GNAO1: variants seen among roughly 807,000 people sequenced by gnomAD.
The protein encoded by GNAO1 is G protein subunit alpha o1.
For missense variants in GNAO1, 166 were observed against 478.7 expected, an observed-to-expected ratio of 0.35 and a Z score of 6.10; for synonymous variants, 164 against 180.7, an observed-to-expected ratio of 0.91 and a Z score of 0.74.
At chr16:56,248,071 T>C (rs2036765999) in intron 2 of GNAO1, among the ~76,000 whole-genome samples, 1 of 152,216 alleles carries the variant, frequency 6.6e-6, no homozygotes, top group Non-Finnish European at 1.5e-5. Flanking sequence ...CAACTGTTAG[T>C]GCCTTTAAGA....
At chr16:56,300,030 T>C (rs911690456) in intron 3 of GNAO1, among the ~76,000 whole-genome samples, 9 of 132,902 alleles carry the variant, frequency 6.8e-5, no homozygotes, top group African/African-American at 2.8e-4. Context: ...TGTGTGTGTG[T>C]GTGTGTGCGC....
At chr16:56,344,997 G>A (rs1445576549) in intron 6 of GNAO1, 4 of 985,470 alleles carry the variant, frequency 4.1e-6, no homozygotes, top group African/African-American at 1.7e-5. Context: ...ACAGAGGACA[G>A]CAGGGGGATG....
chr16:56,227,687 CAA>C (rs386384777), intron 2 of GNAO1, among the ~76,000 whole-genome samples: 2,577 of 61,792 alleles, frequency 0.042, 36 homozygotes, highest in African/African-American at 0.11. Context: ...GACCCTGTCT[CAA>C]AAAAAAAAAA....
intron 2 of GNAO1, among the ~76,000 whole-genome samples, chr16:56,263,533 G>T (rs1222990911): frequency 6.6e-6 from 1 of 152,200 alleles, no homozygotes; most frequent in African/African-American, 2.4e-5. Flanking sequence ...TAGGGAAGGG[G>T]CCGTAGTCAG....
intron 2 of GNAO1, among the ~76,000 whole-genome samples, chr16:56,227,217 C>T (rs894996160): frequency 3.9e-5 from 6 of 152,150 alleles, no homozygotes; most frequent in South Asian, 2.1e-4. Flanking sequence ...CAAGTCTGCG[C>T]GCCCCCGCCA....
chr16:56,218,550 T>C (rs2036456163), intron 2 of GNAO1, among the ~76,000 whole-genome samples: 1 of 152,140 alleles, frequency 6.6e-6, no homozygotes, highest in Non-Finnish European at 1.5e-5. Context: ...CACCAGCACT[T>C]GAGCAGGGCA....
chr16:56,209,223 C>G (rs2036361712), intron 2 of GNAO1, among the ~76,000 whole-genome samples: 1 of 152,166 alleles, frequency 6.6e-6, no homozygotes, highest in Admixed American at 6.5e-5. Flanking sequence ...TTCCAGCTTT[C>G]TGTCACTGTT....
intron 2 of GNAO1, among the ~76,000 whole-genome samples, chr16:56,259,573 C>T (rs550101456): frequency 6.6e-6 from 1 of 152,346 alleles, no homozygotes; most frequent in East Asian, 1.9e-4. Context: ...GTGATCCCGA[C>T]AGTGTCAGAG....
chr16:56,287,691 G>C (rs2037187013), intron 3 of GNAO1, among the ~76,000 whole-genome samples: 1 of 152,150 alleles, frequency 6.6e-6, no homozygotes, highest in Non-Finnish European at 1.5e-5. Context: ...TCAAAGAGGT[G>C]GTGTCATCCC....
At chr16:56,263,726 G>A (rs1440703776) in intron 2 of GNAO1, among the ~76,000 whole-genome samples, 3 of 152,200 alleles carry the variant, frequency 2.0e-5, no homozygotes, top group South Asian at 2.1e-4. Flanking sequence ...AGATGTAGAC[G>A]TAGACATAGA....
chr16:56,309,153 C>G (rs1213485170), intron 3 of GNAO1, among the ~76,000 whole-genome samples: 1 of 152,076 alleles, frequency 6.6e-6, no homozygotes, highest in African/African-American at 2.4e-5. Flanking sequence ...GACAGACAGG[C>G]AGGGTGGGCT....
intron 3 of GNAO1, chr16:56,301,078 A>G (rs8057553): frequency 0.27 from 41,371 of 152,222 alleles, 6,284 homozygotes; most frequent in Middle Eastern, 0.35. Flanking sequence ...ACATTTCCTC[A>G]GACCTCTGAG....
chr16:56,198,858 C>T (rs1285853458), intron 2 of GNAO1, among the ~76,000 whole-genome samples: 2 of 152,186 alleles, frequency 1.3e-5, no homozygotes, highest in Admixed American at 6.5e-5. Context: ...ATGGCTTCTT[C>T]CCCTTGCCTG....
At chr16:56,229,895 T>C (rs972411017) in intron 2 of GNAO1, among the ~76,000 whole-genome samples, 1 of 152,140 alleles carries the variant, frequency 6.6e-6, no homozygotes, top group Non-Finnish European at 1.5e-5. Flanking sequence ...TTCCACCAAG[T>C]AGCTTTTGTG....
intron 4 of GNAO1, among the ~76,000 whole-genome samples, chr16:56,330,531 T>C (rs1195048853): frequency 6.6e-6 from 1 of 152,156 alleles, no homozygotes; most frequent in Non-Finnish European, 1.5e-5. Context: ...GTAATCTTCC[T>C]ACTCCCCCCA....
intron 2 of GNAO1, among the ~76,000 whole-genome samples, chr16:56,210,656 C>T (rs1194800357): frequency 6.6e-6 from 1 of 152,206 alleles, no homozygotes; most frequent in Non-Finnish European, 1.5e-5. Flanking sequence ...ATTTGGATTT[C>T]TCTAATGATA....
intron 2 of GNAO1, among the ~76,000 whole-genome samples, chr16:56,195,473 C>T (rs1478826853): frequency 1.3e-5 from 2 of 152,220 alleles, no homozygotes; most frequent in East Asian, 3.8e-4. Context: ...GAGATGGCCA[C>T]TTGACTGAGA....
chr16:56,344,216 T>C, intron 6 of GNAO1: 1 of 1,389,234 alleles, frequency 7.2e-7, no homozygotes, highest in Non-Finnish European at 9.3e-7. Flanking sequence ...CTCTGAGTGC[T>C]TGATCGGGAA....
Position 56,289,454 on chromosome 16 carries a change from T to C in GNAO1, c.303+13382T>C, listed in dbSNP as rs1014224136. Among the ~76,000 whole-genome samples the C allele has an allele frequency of 6.6e-5, 10 of 152,172 alleles. No homozygotes were observed. In the South Asian group the frequency reaches 1.9e-3, roughly 28 times the overall value. ...CTGGCACACATGGGCCACGGAGCCA[T>C]CGGGGTGAAGACACTAAATCAGGCA... On this transcript the variant is annotated intron_variant, in intron 3 of 8. Transcript: ENST00000262493.
Sources: gnomAD v4.1 joint callset for allele counts (sites outside exome capture counted in the v4.1 genomes callset) on GRCh38, gnomAD v4.1.1 for gene constraint, MANE v1.5 for transcripts, NCBI Gene and HGNC (gene_info 2026-07-23, HGNC 2026-07-21) for gene names.